STAT5B: variants seen among roughly 807,000 people sequenced by gnomAD.
STAT5B encodes signal transducer and activator of transcription 5B, also known as transcription factor STAT5B.
In STAT5B, 21 loss-of-function variants were observed where a neutral mutation model predicts 107.8. The ratio of observed to expected loss-of-function variants is 0.19; its 90% CI spans 0.14 to 0.28. The LOEUF is 0.28. STAT5B is among the 10% of genes least tolerant of loss of function. The probability of loss-of-function intolerance (pLI) is 1.00; values close to 1 mark genes in which losing one functional copy is unlikely to be tolerated. For missense variants in STAT5B, 565 were observed against 1,008.2 expected (o/e 0.56, Z 5.95); for synonymous variants, 325 against 401.7 (o/e 0.81, Z 2.28).
At chr17:42,277,740 ATCTTTTCTTTT>A (rs1198052400), upstream of STAT5B, among the ~76,000 whole-genome samples, 1 of 148,170 alleles carries the variant, frequency 6.7e-6, no homozygotes. Flanking sequence ...TTTCTCTTTT[ATCTTTTCTTTT>A]TCTTTTCTTT....
At chr17:42,218,939 C>G (rs1598303400) in intron 7 of STAT5B, 61 bp from the exon 8 acceptor site, 2 of 1,613,360 alleles carry the variant, frequency 1.2e-6, no homozygotes, top group East Asian at 4.5e-5. Flanking sequence ...ACGCCAGGCC[C>G]CAAGACACAG....
chr17:42,282,714 G>T, the STAT5B span, among the ~76,000 whole-genome samples: 1 of 152,196 alleles, frequency 6.6e-6, no homozygotes, highest in Non-Finnish European at 1.5e-5. Context: ...TTAGATCCAA[G>T]AGGCAGACTC....
At chr17:42,219,000 G>A in intron 7 of STAT5B, 122 bp from the exon 8 acceptor site, 2 of 895,940 alleles carry the variant, frequency 2.2e-6, no homozygotes, top group South Asian at 1.7e-5. Flanking sequence ...TCCCACCCAT[G>A]GGAAGAGCAG....
chr17:42,219,147 A>G (rs929658327), intron 7 of STAT5B, among the ~76,000 whole-genome samples, 165 bp downstream of exon 7: 14 of 152,168 alleles, frequency 9.2e-5, no homozygotes, highest in African/African-American at 3.1e-4. Context: ...GGGGAGGTGC[A>G]CAGGATGGGG....
intron 1 of STAT5B, among the ~76,000 whole-genome samples, chr17:42,237,154 GA>G (rs1398492709): frequency 1.3e-5 from 2 of 152,168 alleles, no homozygotes; most frequent in African/African-American, 4.8e-5. Flanking sequence ...TGTACTTTCT[GA>G]AGGCATAAAG....
intron 1 of STAT5B, among the ~76,000 whole-genome samples, chr17:42,244,639 G>A (rs2080435587): frequency 6.6e-6 from 1 of 152,028 alleles, no homozygotes; most frequent in African/African-American, 2.4e-5. Context: ...CCCTATTAAA[G>A]TTCATGGCCT....
At chr17:42,204,377 T>G (rs1325525936) in intron 16 of STAT5B, among the ~76,000 whole-genome samples, 1 of 152,084 alleles carries the variant, frequency 6.6e-6, no homozygotes, top group Non-Finnish European at 1.5e-5. Flanking sequence ...CAGTACAAAG[T>G]TAATTATACT....
At chr17:42,202,648 G>C (rs1186015374) in intron 17 of STAT5B, 109 bp downstream of exon 17, 1 of 1,584,004 alleles carries the variant, frequency 6.3e-7, no homozygotes, top group East Asian at 2.2e-5. Context: ...CCAGGGCTGA[G>C]ACAGTTTCCC....
intron 12 of STAT5B, among the ~76,000 whole-genome samples, chr17:42,215,707 C>T (rs1039339429): frequency 5.9e-5 from 9 of 152,052 alleles, no homozygotes; most frequent in African/African-American, 1.9e-4. Context: ...CAACCTCTGC[C>T]GCTCGGGTTC....
intron 4 of STAT5B, among the ~76,000 whole-genome samples, chr17:42,223,855 G>C (rs144418269): frequency 6.6e-6 from 1 of 152,206 alleles, no homozygotes; most frequent in East Asian, 1.9e-4. Context: ...AAACTAGAAC[G>C]TAACCTGGTC....
At chr17:42,210,670 G>A (rs2080120936) in intron 13 of STAT5B, 173 bp from the exon 14 acceptor site, 6 of 663,268 alleles carry the variant, frequency 9.0e-6, no homozygotes, top group Non-Finnish European at 8.0e-6. Context: ...AGGAAAAGAG[G>A]GAAGAAGGGG....
chr17:42,238,445 C>T (rs1395937755), intron 1 of STAT5B, among the ~76,000 whole-genome samples: 1 of 145,142 alleles, frequency 6.9e-6, no homozygotes, highest in African/African-American at 2.6e-5. Context: ...AGCCATTGTG[C>T]CTGGCCTTTT....
intron 1 of STAT5B, among the ~76,000 whole-genome samples, chr17:42,245,073 AT>A (rs745914040): frequency 0.014 from 1,522 of 105,450 alleles, 3 homozygotes; most frequent in Non-Finnish European, 0.02. Context: ...TGCCTGGCTA[AT>A]TTTTTTTTTT....
At position 42,201,569 on chromosome 17, in the gene STAT5B, C is replaced by A. The variant is rs2080044489; in HGVS notation, c.*169G>T. 3 of 691,832 alleles carry A rather than the reference C, an allele frequency of 4.3e-6. No homozygotes were observed. Among genetic ancestry groups the A allele is most frequent in the Non-Finnish European group, 7.9e-6 (3 of 378,450 alleles). 42.9% of individuals were successfully genotyped at this position (691,832 alleles called of 1,614,324 possible). On this transcript the variant is annotated 3_prime_UTR_variant, in exon 19 of 19. Transcript: ENST00000293328. Reference sequence around the variant, plus strand: ...ACACACACACAAACACATACTCGCACTCCCTTCGCTGGTGCCACCATGCAC... The same window carrying A: ...ACACACACACAAACACATACTCGCAATCCCTTCGCTGGTGCCACCATGCAC...
intron 17 of STAT5B, 101 bp downstream of exon 17, chr17:42,202,656 C>A (rs2080054817): frequency 6.3e-7 from 1 of 1,593,204 alleles, no homozygotes; most frequent in Non-Finnish European, 8.6e-7. Context: ...GAGACAGTTT[C>A]CCCGGGGGAG....
chr17:42,283,827 G>C, the STAT5B span, among the ~76,000 whole-genome samples: 1 of 152,090 alleles, frequency 6.6e-6, no homozygotes, highest in Non-Finnish European at 1.5e-5. Flanking sequence ...CCAGGGCCTG[G>C]CCTCAGAGGT....
rs1324244065 is a variant in STAT5B, at chr17:42,218,186, C to T, written c.1134G>A (p.Gln378=). 3.1e-6 allele frequency: 5 copies of T among 1,614,056 alleles called. No individual in the cohort carries two copies. In the African/African-American group the frequency reaches 6.7e-5, roughly 22 times the overall value. The change falls in exon 9 of 19, where the codon CAG becomes CAA. Residue 378 remains glutamine (Q), a synonymous_variant. Transcript: ENST00000293328. ...TCTCGTTCTTGAGCAGAGACTTGGC[C>T]TGCTGCTCACTGATGATGGTGGCCT... ...QVKATIISEQ[Q]AKSLLKNENT...
At chr17:42,267,197 A>G (rs909138864) in intron 1 of STAT5B, among the ~76,000 whole-genome samples, 1 of 152,240 alleles carries the variant, frequency 6.6e-6, no homozygotes, top group Non-Finnish European at 1.5e-5. Flanking sequence ...CGTGCAGTAC[A>G]TACTTGATAA....
chr17:42,252,710 T>C (rs182727392), intron 1 of STAT5B, among the ~76,000 whole-genome samples: 379 of 152,344 alleles, frequency 2.5e-3, no homozygotes, highest in Non-Finnish European at 4.5e-3. Context: ...TGACTCATCA[T>C]TGGTGCTAAT....
Sources: gnomAD v4.1 joint callset for allele counts (sites outside exome capture counted in the v4.1 genomes callset) on GRCh38, gnomAD v4.1.1 for gene constraint, MANE v1.5 for transcripts, NCBI Gene and HGNC (gene_info 2026-07-23, HGNC 2026-07-21) for gene names.